The following SLC36A1 variants were observed in gnomAD, a reference collection of about 807,000 sequenced individuals.
The protein encoded by SLC36A1 is proton-coupled amino acid transporter 1.
SLC36A1 carries 30 observed loss-of-function variants against 47.5 expected under a neutral mutation model. The observed-to-expected ratio is 0.63, with a 90% CI of 0.47 to 0.86. The LOEUF (loss-of-function observed/expected upper bound fraction) is 0.86. SLC36A1 is among the 40% of genes least tolerant of loss of function. The probability of loss-of-function intolerance (pLI) is 0.00; values close to 1 mark genes in which losing one functional copy is unlikely to be tolerated. For synonymous variants in SLC36A1, 255 were observed against 249.7 expected (o/e 1.02, Z -0.20); for missense variants, 517 against 606.0 (o/e 0.85, Z 1.54).
At chr5:151,537,969 G>T in the SLC36A1 span, 1 of 1,610,856 alleles carries the variant, frequency 6.2e-7, no homozygotes, top group South Asian at 1.1e-5. Context: ...AGACAAAGAA[G>T]AGGGAGACTG....
At chr5:151,369,476 C>T in the SLC36A1 span, among the ~76,000 whole-genome samples, 1 of 152,160 alleles carries the variant, frequency 6.6e-6, no homozygotes, top group African/African-American at 2.4e-5. Context: ...TCAAATGCAA[C>T]AATTAAAAAC....
chr5:151,532,915 C>G, the SLC36A1 span, among the ~76,000 whole-genome samples: 1 of 152,172 alleles, frequency 6.6e-6, no homozygotes, highest in Non-Finnish European at 1.5e-5. Flanking sequence ...GAATTTATAT[C>G]CATTAAATGC....
At chr5:151,519,524 T>C in the SLC36A1 span, among the ~76,000 whole-genome samples, 2 of 152,146 alleles carry the variant, frequency 1.3e-5, no homozygotes, top group Non-Finnish European at 2.9e-5. Context: ...TCTCGGAGAA[T>C]CTGATTCAGT....
At chr5:151,534,437 A>T in the SLC36A1 span, 1 of 1,610,670 alleles carries the variant, frequency 6.2e-7, no homozygotes, top group South Asian at 1.1e-5. Context: ...CAAATACTAC[A>T]GCCACAGGGG....
chr5:151,456,566 G>A lies in SLC36A1; in HGVS notation c.-5-2222G>A, dbSNP rs188940552. On this transcript the variant is annotated intron_variant, in intron 1 of 10. Coordinates refer to ENST00000243389, the MANE Select transcript of SLC36A1 (RefSeq NM_078483.4). Reference sequence around the variant, plus strand: ...ACTTCAGAGATTTTTTTTTTCTCCCGGCCCTCTAGTGAGTTTAATTGCCCC... The same window carrying A: ...ACTTCAGAGATTTTTTTTTTCTCCCAGCCCTCTAGTGAGTTTAATTGCCCC... Among the ~76,000 whole-genome samples, 12 of 151,612 alleles carry A rather than the reference G, an allele frequency of 7.9e-5. No homozygotes were observed. The East Asian group carries it at 1.2e-3, about 15-fold the overall frequency.
the SLC36A1 span, among the ~76,000 whole-genome samples, chr5:151,536,506 C>T: frequency 6.6e-6 from 1 of 152,164 alleles, no homozygotes; most frequent in Non-Finnish European, 1.5e-5. Flanking sequence ...CATCTCCACA[C>T]CCTCCCCTGC....
In SLC36A1 at chr5:151,488,545, C is replaced by T. The variant is rs750550384; in HGVS notation, c.*291C>T. 6 of 440,724 alleles carry T rather than the reference C, an allele frequency of 1.4e-5. No individual in the cohort carries two copies. In the Admixed American group the frequency reaches 2.3e-4, roughly 17 times the overall value. The allele number at this position is 440,724 out of a possible 1,614,324, so 27.3% of individuals were successfully genotyped here. On this transcript the variant is annotated 3_prime_UTR_variant, in exon 11 of 11. Transcript: ENST00000243389. ...CATCATGCCTCCTCCTTCCTACCTG[C>T]CTCCCCTCTGCTGGTGCACCTCGCC...
chr5:151,448,645 C>T (rs1350523193), intron 1 of SLC36A1, among the ~76,000 whole-genome samples: 1 of 152,186 alleles, frequency 6.6e-6, no homozygotes, highest in East Asian at 1.9e-4. Context: ...AAGACCTTTG[C>T]TTTATTTTTT....
chr5:151,486,986 G>A (rs770975910), intron 10 of SLC36A1, among the ~76,000 whole-genome samples: 31 of 152,202 alleles, frequency 2.0e-4, no homozygotes, highest in Non-Finnish European at 3.5e-4. Flanking sequence ...ACATCTCTAT[G>A]ATTCAGGAGC....
At chr5:151,382,260 A>T in the SLC36A1 span, 1 of 1,330,416 alleles carries the variant, frequency 7.5e-7, no homozygotes, top group Admixed American at 1.7e-5. Flanking sequence ...CCAGCCTGGG[A>T]GCTACATAGC....
At chr5:151,372,778 A>G in the SLC36A1 span, among the ~76,000 whole-genome samples, 1 of 152,196 alleles carries the variant, frequency 6.6e-6, no homozygotes, top group African/African-American at 2.4e-5. Context: ...GGACTCAATG[A>G]AGACAAGGAA....
chr5:151,361,100 ATGGT>A, the SLC36A1 span, among the ~76,000 whole-genome samples: 1 of 152,116 alleles, frequency 6.6e-6, no homozygotes, highest in African/African-American at 2.4e-5. Context: ...TCAGGCTTTT[ATGGT>A]TTTTTCTATA....
At chr5:151,507,159 T>G in the SLC36A1 span, 1 of 1,578,666 alleles carries the variant, frequency 6.3e-7, no homozygotes, top group Non-Finnish European at 8.6e-7. Flanking sequence ...CTGACCCATC[T>G]CCTCGCTGGA....
chr5:151,546,464 C>A, the SLC36A1 span: 1 of 634,496 alleles, frequency 1.6e-6, no homozygotes, highest in Non-Finnish European at 2.7e-6. Context: ...AGTGTATACC[C>A]ACCCTGGATA....
the SLC36A1 span, chr5:151,521,247 C>T: frequency 1.9e-6 from 3 of 1,566,816 alleles, no homozygotes; most frequent in African/African-American, 2.7e-5. Context: ...AGCAGTGCTG[C>T]TCGTCCCTAG....
the SLC36A1 span, among the ~76,000 whole-genome samples, chr5:151,383,281 G>T: frequency 0.5 from 75,332 of 151,978 alleles, 20,703 homozygotes; most frequent in African/African-American, 0.75. Context: ...GGATAGCAAC[G>T]ACAGCAGATC....
upstream of SLC36A1, among the ~76,000 whole-genome samples, chr5:151,436,475 G>A (rs919642354): frequency 6.6e-6 from 1 of 151,850 alleles, no homozygotes; most frequent in African/African-American, 2.4e-5. Flanking sequence ...GGACTCCAAG[G>A]GTCTAAGTGA....
chr5:151,370,480 C>A, the SLC36A1 span, among the ~76,000 whole-genome samples: 1 of 151,982 alleles, frequency 6.6e-6, no homozygotes, highest in African/African-American at 2.4e-5. Flanking sequence ...GATGGAAATG[C>A]CCTTTGGCCC....
intron 10 of SLC36A1, 122 bp from the exon 11 acceptor site, chr5:151,487,861 C>T (rs1759771559): frequency 8.3e-7 from 1 of 1,206,224 alleles, no homozygotes; most frequent in Non-Finnish European, 1.2e-6. Context: ...TGGACAATGT[C>T]TAAGTTTTCT....
Sources: gnomAD v4.1 joint callset for allele counts (sites outside exome capture counted in the v4.1 genomes callset) on GRCh38, gnomAD v4.1.1 for gene constraint, MANE v1.5 for transcripts, NCBI Gene and HGNC (gene_info 2026-07-23, HGNC 2026-07-21) for gene names.